INPP4B: variants seen among roughly 807,000 people sequenced by gnomAD.
The protein encoded by INPP4B is inositol polyphosphate 4-phosphatase type II.
INPP4B carries 55 observed loss-of-function variants against 122.5 expected under a neutral mutation model. The ratio of observed to expected loss-of-function variants is 0.45; its 90% confidence interval spans 0.36 to 0.56. The LOEUF (loss-of-function observed/expected upper bound fraction) is 0.56. Ranked by LOEUF, INPP4B falls within the 20% of genes least tolerant of loss-of-function variation. The pLI is 0.00. For missense variants in INPP4B, 1,000 were observed against 1,097.7 expected (o/e 0.91, Z 1.26); for synonymous variants, 403 against 388.7 (o/e 1.04, Z -0.43).
chr4:142,745,126 A>T (rs1768514964), intron 1 of INPP4B, among the ~76,000 whole-genome samples: 1 of 151,892 alleles, frequency 6.6e-6, no homozygotes. Context: ...AGACCTTAAA[A>T]GTTGAGAATA....
At chr4:142,439,104 A>C (rs1341795934) in intron 3 of INPP4B, among the ~76,000 whole-genome samples, 1 of 152,128 alleles carries the variant, frequency 6.6e-6, no homozygotes, top group Non-Finnish European at 1.5e-5. Context: ...GAATACTCCA[A>C]GGTCCTCAGG....
At chr4:142,725,721 T>C (rs1765264290) in intron 2 of INPP4B, 118 bp downstream of exon 2, 2 of 390,794 alleles carry the variant, frequency 5.1e-6, no homozygotes, top group East Asian at 3.6e-5. Context: ...GCTTTTCAGA[T>C]AATAATTTAC....
At chr4:142,259,009 G>C (rs1245913408) in intron 11 of INPP4B, among the ~76,000 whole-genome samples, 5 of 151,940 alleles carry the variant, frequency 3.3e-5, no homozygotes, top group South Asian at 2.1e-4. Context: ...ATACACCATG[G>C]AATACTATGC....
intron 2 of INPP4B, among the ~76,000 whole-genome samples, chr4:142,469,706 C>CA (rs1466392560): frequency 6.6e-6 from 1 of 152,056 alleles, no homozygotes; most frequent in African/African-American, 2.4e-5. Context: ...GCTCATTCAA[C>CA]AAATATATAA....
chr4:142,249,212 C>T (rs1020566046), intron 11 of INPP4B, among the ~76,000 whole-genome samples: 9 of 152,074 alleles, frequency 5.9e-5, no homozygotes, highest in African/African-American at 1.2e-4. Context: ...TACAAAAATA[C>T]TGTATCACAT....
intron 5 of INPP4B, among the ~76,000 whole-genome samples, chr4:142,424,318 G>A (rs1451622903): frequency 1.3e-5 from 2 of 151,858 alleles, no homozygotes; most frequent in Non-Finnish European, 2.9e-5. Context: ...AAGGCAAGAA[G>A]TAGAATTTTA....
chr4:142,414,855 AAAC>A (rs749531741), intron 5 of INPP4B, among the ~76,000 whole-genome samples: 7 of 152,278 alleles, frequency 4.6e-5, no homozygotes, highest in South Asian at 2.1e-4. Context: ...TCCACTTTGG[AAAC>A]AACAAGTGTT....
chr4:142,260,463 A>G, intron 11 of INPP4B, 29 bp downstream of exon 11: 1 of 1,321,534 alleles, frequency 7.6e-7, no homozygotes, highest in Non-Finnish European at 1.1e-6. Context: ...TTTTGCATGA[A>G]ACTAAGTATT....
intron 16 of INPP4B, among the ~76,000 whole-genome samples, chr4:142,167,108 C>A (rs111523362): frequency 3.3e-5 from 5 of 151,950 alleles, no homozygotes; most frequent in African/African-American, 1.2e-4. Context: ...TTCATTGCAG[C>A]ACTATTCACA....
At chr4:142,836,955 C>T (rs765397040) in intron 1 of INPP4B, among the ~76,000 whole-genome samples, 5 of 151,762 alleles carry the variant, frequency 3.3e-5, no homozygotes, top group Non-Finnish European at 5.9e-5. Context: ...CACTTGAGGT[C>T]AGGAGTTCGT....
intron 15 of INPP4B, among the ~76,000 whole-genome samples, chr4:142,184,957 A>G (rs1832515045): frequency 6.6e-6 from 1 of 152,188 alleles, no homozygotes; most frequent in Non-Finnish European, 1.5e-5. Context: ...TATGAAACAC[A>G]AGAATATTTG....
intron 3 of INPP4B, among the ~76,000 whole-genome samples, chr4:142,448,157 T>C (rs867800600): frequency 6.6e-6 from 1 of 151,982 alleles, no homozygotes; most frequent in South Asian, 2.1e-4. Context: ...AGCTATATTC[T>C]TGGGTGCTGA....
At chr4:142,235,483 G>T (rs182671590) in intron 12 of INPP4B, among the ~76,000 whole-genome samples, 19 of 152,084 alleles carry the variant, frequency 1.2e-4, no homozygotes, top group Admixed American at 8.5e-4. Flanking sequence ...GTGCAGTGGC[G>T]CGATCTCAGC....
chr4:142,350,920 T>A (rs1327056826), intron 7 of INPP4B, among the ~76,000 whole-genome samples: 2 of 151,980 alleles, frequency 1.3e-5, no homozygotes, highest in Admixed American at 6.6e-5. Flanking sequence ...TATGTTAGGC[T>A]CTTCTAACAG....
chr4:142,729,827 T>A (rs1765830578), intron 1 of INPP4B, among the ~76,000 whole-genome samples: 1 of 152,186 alleles, frequency 6.6e-6, no homozygotes, highest in South Asian at 2.1e-4. Context: ...TCTTTCATAT[T>A]CGTGGCCCAC....
At chr4:142,340,521 C>A (rs375142934) in intron 7 of INPP4B, among the ~76,000 whole-genome samples, 1 of 152,134 alleles carries the variant, frequency 6.6e-6, no homozygotes, top group Non-Finnish European at 1.5e-5. Context: ...GATCCTCCCA[C>A]CTCAGCCTCC....
chr4:142,552,341 C>G (rs897438260), intron 2 of INPP4B, among the ~76,000 whole-genome samples: 1 of 151,888 alleles, frequency 6.6e-6, no homozygotes, highest in Non-Finnish European at 1.5e-5. Context: ...GCTGAGGCTG[C>G]TAATCTGGGA....
chr4:142,244,064 C>A (rs1253485503), intron 11 of INPP4B, among the ~76,000 whole-genome samples: 1 of 151,696 alleles, frequency 6.6e-6, no homozygotes, highest in Non-Finnish European at 1.5e-5. Context: ...CTCCCCTAGC[C>A]CCCCACCCCC....
chr4:142,398,936 C>T (rs1342103616), intron 7 of INPP4B, among the ~76,000 whole-genome samples: 1 of 152,090 alleles, frequency 6.6e-6, no homozygotes, highest in African/African-American at 2.4e-5. Context: ...ACATTTATTA[C>T]TTTCAGAGCA....
Sources: gnomAD v4.1 joint callset for allele counts (sites outside exome capture counted in the v4.1 genomes callset) on GRCh38, gnomAD v4.1.1 for gene constraint, MANE v1.5 for transcripts, NCBI Gene and HGNC (gene_info 2026-07-23, HGNC 2026-07-21) for gene names.